HERC2: variants seen among roughly 807,000 people sequenced by gnomAD.
HERC2 encodes the protein HECT and RLD domain containing E3 ubiquitin protein ligase 2.
HERC2 carries 102 observed loss-of-function variants against 537.7 expected under a neutral mutation model. That is an observed-to-expected ratio of 0.19 (90% CI 0.16 to 0.22). The LOEUF (loss-of-function observed/expected upper bound fraction) is 0.22. Among genes scored for constraint, HERC2 ranks in the 10% least tolerant of loss-of-function variants. HERC2 has a pLI of 1.00. For synonymous variants in HERC2, 2,224 were observed against 2,466.2 expected, an observed-to-expected ratio of 0.90 and a Z score of 2.91; for missense variants, 4,236 against 6,198.2, an observed-to-expected ratio of 0.68 and a Z score of 10.63.
At chr15:28,132,021 T>C in intron 81 of HERC2, 79 bp downstream of exon 81, 6 of 1,241,992 alleles carry the variant, frequency 4.8e-6, no homozygotes, top group Non-Finnish European at 6.5e-6. Context: ...GCTCTGAGGC[T>C]GTGTTTTCCC....
chr15:28,232,198 T>C (rs547962668), intron 30 of HERC2, among the ~76,000 whole-genome samples: 1 of 152,296 alleles, frequency 6.6e-6, no homozygotes. Flanking sequence ...AACTCAGTAA[T>C]CAATACTGGT....
At chr15:28,136,324 C>CGA in intron 78 of HERC2, among the ~76,000 whole-genome samples, 1 of 54,116 alleles carries the variant, frequency 1.8e-5, no homozygotes, top group Non-Finnish European at 7.7e-5. Context: ...TGCTGCTGCA[C>CGA]TGACATAATA....
At chr15:28,290,946 G>T (rs2076293112) in intron 4 of HERC2, among the ~76,000 whole-genome samples, 1 of 151,820 alleles carries the variant, frequency 6.6e-6, no homozygotes, top group South Asian at 2.1e-4. Flanking sequence ...AAAGCCAGCA[G>T]AAAAAAGGAA....
At chr15:28,165,478 C>T (rs776160246) in intron 68 of HERC2, among the ~76,000 whole-genome samples, 9 of 151,948 alleles carry the variant, frequency 5.9e-5, no homozygotes, top group Admixed American at 1.3e-4. Context: ...TTTCCATGTA[C>T]GTAAATATAT....
chr15:28,189,168 G>A (rs1367881737), intron 55 of HERC2, among the ~76,000 whole-genome samples: 6 of 152,212 alleles, frequency 3.9e-5, no homozygotes, highest in Admixed American at 3.9e-4. Flanking sequence ...CCACAGGAAT[G>A]GTACAGTCTA....
chr15:28,142,335 G>A lies in HERC2; in HGVS notation c.11603C>T (p.Thr3868Met), dbSNP rs533106317. Residue 3868 changes from threonine (T) to methionine (M), a missense_variant, in exon 76 of 93, where the codon ACG (threonine) becomes ATG (methionine). By Grantham distance (81) the Thr-to-Met change is moderately conservative (BLOSUM62 -1). Transcript: ENST00000261609. ...ELDTLPCCAETHKWAWFRRYC... is the reference protein window; with the variant it reads ...ELDTLPCCAEMHKWAWFRRYC... ...CCTCCGGAACCAGGCCCACTTGTGC[G>A]TCTCGGCACAGCAAGGCAGAGTGTC... 30 of 1,614,102 alleles carry A rather than the reference G, an allele frequency of 1.9e-5. No individual in the cohort carries two copies. The highest frequency in any genetic ancestry group is 8.3e-5 in the Admixed American group (5 of 60,018).
rs1411037273 is a variant in HERC2, at chr15:28,111,627, C to T, written c.*136G>A. On this transcript the variant is annotated 3_prime_UTR_variant, in exon 93 of 93. Transcript: ENST00000261609. ...GTCATTCCCATCACGGCCAGTCAGT[C>T]TCTCCACTCCCTCCTCCCGCCTGGC... The T allele has an allele frequency of 1.1e-6, 1 of 878,216 alleles. No homozygotes were observed. The highest frequency in any genetic ancestry group is 1.7e-6 in the Non-Finnish European group (1 of 575,276). 54.4% of individuals were successfully genotyped at this position (878,216 alleles called of 1,614,324 possible).
chr15:28,238,985 T>C (rs60025758), intron 23 of HERC2, among the ~76,000 whole-genome samples: 33,598 of 152,118 alleles, frequency 0.22, 7,339 homozygotes, highest in African/African-American at 0.55. Context: ...AATACCAAAT[T>C]GGGCCATGCC....
rs1253428139 is a variant in HERC2, at chr15:28,255,894, G to C, written c.2849C>G (p.Ala950Gly). ...TACCTGGATCTCTGCAGTAATGGCT[G>C]CGTGTAAGGCTGACTCCAACCCTCC... Reference protein sequence around the residue: ...ADGGLESALHAAITAEIQDIE... With the variant: ...ADGGLESALHGAITAEIQDIE... Residue 950 changes from alanine to glycine, a missense_variant, in exon 19 of 93, where the codon GCA becomes GGA. Physicochemically the swap from Ala to Gly is moderately conservative, Grantham distance 60. This residue lies in a region of HERC2 where 754 missense variants were observed against 1,085.0 expected (regional missense o/e 0.69). Coordinates refer to ENST00000261609, the MANE Select transcript of HERC2 (RefSeq NM_004667.6). 1 of 1,600,916 alleles carries C rather than the reference G, an allele frequency of 6.2e-7. No homozygotes were observed. Among genetic ancestry groups the C allele is most frequent in the Non-Finnish European group, 8.5e-7 (1 of 1,179,792 alleles).
At chr15:28,144,617 C>G (rs1247462678) in intron 72 of HERC2, 56 bp downstream of exon 72, 2 of 1,612,222 alleles carry the variant, frequency 1.2e-6, no homozygotes, top group Non-Finnish European at 1.7e-6. Flanking sequence ...CCTGTTGCTC[C>G]AGAAACAATC....
intron 4 of HERC2, among the ~76,000 whole-genome samples, chr15:28,282,875 T>C (rs991656770): frequency 2.0e-5 from 3 of 150,518 alleles, no homozygotes; most frequent in Non-Finnish European, 4.4e-5. Context: ...GCGGTTGCAG[T>C]GAGCCGAGAA....
At chr15:28,205,216 C>T (rs1386208825) in intron 45 of HERC2, among the ~76,000 whole-genome samples, 1 of 150,292 alleles carries the variant, frequency 6.7e-6, no homozygotes, top group Non-Finnish European at 1.5e-5. Context: ...TACAACAGTC[C>T]TTCTCAGTTC....
At chr15:28,158,339 T>TA (rs1235064050) in intron 69 of HERC2, among the ~76,000 whole-genome samples, 1 of 152,194 alleles carries the variant, frequency 6.6e-6, no homozygotes, top group Non-Finnish European at 1.5e-5. Context: ...AGTGGGGTGT[T>TA]AAAGTCTCCC....
chr15:28,293,049 G>C (rs201227964), intron 3 of HERC2, 27 bp from the exon 4 acceptor site: 3 of 1,594,930 alleles, frequency 1.9e-6, no homozygotes, highest in Admixed American at 1.8e-5. Flanking sequence ...TTTTTAATCT[G>C]TCACCGCTTT....
chr15:28,227,984 G>A (rs188144902), intron 35 of HERC2, among the ~76,000 whole-genome samples: 32 of 152,224 alleles, frequency 2.1e-4, no homozygotes, highest in African/African-American at 7.5e-4. Context: ...TGGCTAAATG[G>A]TGTGCATTTA....
At chr15:28,156,137 C>G (rs1892984302) in intron 69 of HERC2, among the ~76,000 whole-genome samples, 1 of 152,270 alleles carries the variant, frequency 6.6e-6, no homozygotes, top group Middle Eastern at 3.4e-3. Flanking sequence ...TGTTTTGGTA[C>G]CAGTACCATG....
intron 86 of HERC2, 159 bp from the exon 87 acceptor site, chr15:28,117,313 G>A (rs7495875): frequency 0.94 from 731,678 of 779,722 alleles, 350,174 homozygotes; most frequent in Non-Finnish European, 0.99. Context: ...AGACCCTGCC[G>A]TCTGGGGCGC....
chr15:28,260,949 G>A lies in HERC2; in HGVS notation c.2144C>T (p.Ala715Val). 3 of 1,613,774 alleles carry A rather than the reference G, an allele frequency of 1.9e-6. No homozygotes were observed. The highest frequency in any genetic ancestry group is 2.2e-5 in the East Asian group (1 of 44,898). The change falls in exon 16 of 93, where the codon GCT (alanine) becomes GTT (valine). Residue 715 changes from alanine to valine, a missense_variant. Physicochemically the swap from Ala to Val is moderately conservative, Grantham distance 64 (BLOSUM62 0). Around this residue, in one of 27 missense-constraint regions of HERC2, gnomAD observed 754 missense variants for 1,085.0 expected, o/e 0.69. Coordinates refer to ENST00000261609, the MANE Select transcript of HERC2 (RefSeq NM_004667.6). Reference sequence around the variant, plus strand: ...AGCCAGGCAGTGGGTGGAGCCTGCAGCCACATCAATCACCTTCTTCCCTAC... The same window carrying A: ...AGCCAGGCAGTGGGTGGAGCCTGCAACCACATCAATCACCTTCTTCCCTAC... ...GLQGKKVIDV[A>V]AGSTHCLALT...
At chr15:28,299,642 A>T in intron 2 of HERC2, 126 bp from the exon 3 acceptor site, 1 of 610,980 alleles carries the variant, frequency 1.6e-6, no homozygotes, top group Non-Finnish European at 3.0e-6. Context: ...AAAATCAATG[A>T]TTTACTGAAT....
Sources: allele counts gnomAD v4.1 joint callset (sites outside exome capture counted in the v4.1 genomes callset), GRCh38; gene constraint gnomAD v4.1.1; regional missense constraint gnomAD v4.1.1; transcripts MANE v1.5; gene names NCBI Gene and HGNC (gene_info 2026-07-23, HGNC 2026-07-21).